The following MARCHF1 variants were observed in gnomAD, a reference collection of about 807,000 sequenced individuals.
The protein encoded by MARCHF1 is membrane associated ring-CH-type finger 1.
A neutral mutation model predicts 54.2 loss-of-function variants in MARCHF1; 40 were observed. That is an observed-to-expected ratio of 0.74 (90% CI 0.57 to 0.96). The LOEUF is 0.96. MARCHF1 is among the 40% of genes least tolerant of loss of function. The pLI, the probability that MARCHF1 is intolerant of heterozygous loss-of-function variation, is 0.00. For missense variants in MARCHF1, 586 were observed against 656.5 expected (o/e 0.89, Z 1.17); for synonymous variants, 236 against 236.3 (o/e 1.00, Z 0.01).
intron 2 of MARCHF1, among the ~76,000 whole-genome samples, chr4:164,052,255 G>A (rs886152498): frequency 1.3e-4 from 8 of 60,032 alleles, no homozygotes; most frequent in African/African-American, 4.0e-4. Context: ...GGGCATAGTG[G>A]CTCACGCCTG....
rs560530611 is a variant in MARCHF1 at position 163,717,235 on chromosome 4, G to A, written c.112-16372C>T. Reference sequence around the variant, plus strand: ...TTGTTCAATTCCCACCTATGAGTGAGAACATGCGGTGTTTGGTTTTTTGTC... The same window carrying A: ...TTGTTCAATTCCCACCTATGAGTGAAAACATGCGGTGTTTGGTTTTTTGTC... On this transcript the variant is annotated intron_variant, in intron 4 of 9. Coordinates refer to ENST00000514618, the MANE Select transcript of MARCHF1 (RefSeq NM_001394959.1). Among the ~76,000 whole-genome samples, 217 of 146,830 alleles carry A rather than the reference G, an allele frequency of 1.5e-3. 1 individual carries two copies. The highest frequency in any genetic ancestry group is 1.8e-3 in the Non-Finnish European group (123 of 67,324).
chr4:164,235,773 A>G (rs1732534978), intron 1 of MARCHF1, among the ~76,000 whole-genome samples: 1 of 152,088 alleles, frequency 6.6e-6, no homozygotes, highest in South Asian at 2.1e-4. Flanking sequence ...AAAAAAAACC[A>G]GTACACATTA....
Position 163,854,030 on chromosome 4 carries a change from G to C in MARCHF1, c.102C>G (p.Thr34=). The change falls in exon 4 of 10, where the codon ACC becomes ACG. Residue 34 remains threonine (T), a synonymous_variant. Coordinates refer to ENST00000514618, the MANE Select transcript of MARCHF1 (RefSeq NM_001394959.1). ...ISGDLADASQ[T]STLNEKSPGR... ...GTAACTTTCCACTCACCAATGTGGA[G>C]GTTTGTGAGGCGTCAGCCAAATCCC... The C allele has an allele frequency of 2.0e-6, 3 of 1,536,714 alleles. No individual in the cohort carries two copies. The highest frequency in any genetic ancestry group is 2.6e-6 in the Non-Finnish European group (3 of 1,146,634).
chr4:164,350,660 A>G (rs1730262295), intron 1 of MARCHF1, among the ~76,000 whole-genome samples: 1 of 152,224 alleles, frequency 6.6e-6, no homozygotes, highest in African/African-American at 2.4e-5. Context: ...AAAAGAAAAA[A>G]CAATGTGTGC....
At chr4:164,106,941 A>T (rs542826266) in intron 2 of MARCHF1, among the ~76,000 whole-genome samples, 8 of 152,260 alleles carry the variant, frequency 5.3e-5, no homozygotes, top group African/African-American at 1.7e-4. Flanking sequence ...CTGATACAAG[A>T]AACAACCATA....
At chr4:163,569,315 C>T (rs1579071274) in intron 8 of MARCHF1, among the ~76,000 whole-genome samples, 1 of 152,024 alleles carries the variant, frequency 6.6e-6, no homozygotes, top group Non-Finnish European at 1.5e-5. Context: ...TACTCTGTGT[C>T]CTTTTAGTTT....
intron 4 of MARCHF1, among the ~76,000 whole-genome samples, chr4:163,718,362 A>G (rs1027727458): frequency 3.3e-5 from 5 of 152,238 alleles, no homozygotes; most frequent in African/African-American, 9.6e-5. Flanking sequence ...CAGAGTGAAC[A>G]GGCAACCTAC....
chr4:164,131,379 T>C (rs533456515), intron 1 of MARCHF1, among the ~76,000 whole-genome samples: 3 of 152,188 alleles, frequency 2.0e-5, no homozygotes, highest in South Asian at 4.1e-4. Context: ...TGTTTGTCTA[T>C]GTGAAAAAAT....
In MARCHF1 at chr4:163,643,130, T is replaced by A. The variant is rs1742616611; in HGVS notation, c.163-29737A>T. ...GCATTTGAGACCAGCCTGGCCAACATGGTAAAACCCTGTATCTACTATAAA... is the reference window on the plus strand; with the variant it reads ...GCATTTGAGACCAGCCTGGCCAACAAGGTAAAACCCTGTATCTACTATAAA... On this transcript the variant is annotated intron_variant, in intron 5 of 9. Coordinates refer to ENST00000514618, the MANE Select transcript of MARCHF1 (RefSeq NM_001394959.1). 2.8e-5 allele frequency among the ~76,000 whole-genome samples: 4 copies of A among 142,448 alleles called. No homozygotes were observed. The Admixed American group carries it at 2.9e-4, about 10-fold the overall frequency. 93.5% of individuals were successfully genotyped at this position (142,448 alleles called of 152,430 possible). A position where few individuals can be genotyped will look rare whatever the true frequency, so the allele number is the denominator to read the frequency against.
intron 3 of MARCHF1, among the ~76,000 whole-genome samples, chr4:163,889,659 G>T (rs1750611457): frequency 6.6e-6 from 1 of 151,894 alleles, no homozygotes; most frequent in South Asian, 2.1e-4. Context: ...TGCTTAAGTG[G>T]TTTGCTCTTC....
chr4:163,965,265 G>A (rs956281829), intron 3 of MARCHF1, among the ~76,000 whole-genome samples: 1 of 151,902 alleles, frequency 6.6e-6, no homozygotes, highest in Non-Finnish European at 1.5e-5. Flanking sequence ...ACGTGGGAAG[G>A]ATCTCTCTTG....
intron 1 of MARCHF1, among the ~76,000 whole-genome samples, chr4:164,276,945 T>G (rs1311097766): frequency 1.7e-5 from 2 of 119,128 alleles, no homozygotes; most frequent in Non-Finnish European, 3.7e-5. Flanking sequence ...TATATATATA[T>G]ATAGAGAGAG....
intron 3 of MARCHF1, among the ~76,000 whole-genome samples, chr4:163,862,163 A>T (rs1191785338): frequency 1.3e-5 from 2 of 152,096 alleles, no homozygotes; most frequent in East Asian, 3.8e-4. Context: ...GAGGTGGTAG[A>T]TACAACGCTA....
chr4:163,731,959 G>T (rs1394551433), intron 4 of MARCHF1, among the ~76,000 whole-genome samples: 2 of 151,992 alleles, frequency 1.3e-5, no homozygotes, highest in Non-Finnish European at 2.9e-5. Context: ...CCAGAACAAA[G>T]CTCAACAACA....
intron 2 of MARCHF1, among the ~76,000 whole-genome samples, chr4:164,075,825 G>A (rs1486943104): frequency 6.6e-6 from 1 of 152,124 alleles, no homozygotes; most frequent in African/African-American, 2.4e-5. Context: ...CACTGAGGCT[G>A]ATATGAACTC....
At chr4:163,784,030 A>T (rs79879610) in intron 4 of MARCHF1, among the ~76,000 whole-genome samples, 3,630 of 152,350 alleles carry the variant, frequency 0.024, 65 homozygotes, top group East Asian at 0.074. Context: ...ACAGTAGTTC[A>T]TGTTAAACCA....
intron 5 of MARCHF1, among the ~76,000 whole-genome samples, chr4:163,646,774 G>A (rs1169771067): frequency 6.6e-6 from 1 of 151,988 alleles, no homozygotes; most frequent in East Asian, 1.9e-4. Context: ...ATACACAAAA[G>A]ATAAAGGGAC....
At chr4:163,912,992 A>C (rs1264938866) in intron 3 of MARCHF1, among the ~76,000 whole-genome samples, 3 of 152,236 alleles carry the variant, frequency 2.0e-5, no homozygotes, top group Non-Finnish European at 4.4e-5. Flanking sequence ...ACACATTATA[A>C]AATTTAAAAT....
At chr4:163,636,309 C>T (rs1445703441) in intron 5 of MARCHF1, among the ~76,000 whole-genome samples, 1 of 147,202 alleles carries the variant, frequency 6.8e-6, no homozygotes, top group Non-Finnish European at 1.5e-5. Flanking sequence ...CAAATTGTCC[C>T]TGTTTGCAGA....
Sources: gnomAD v4.1 joint callset for allele counts (sites outside exome capture counted in the v4.1 genomes callset) on GRCh38, gnomAD v4.1.1 for gene constraint, MANE v1.5 for transcripts, NCBI Gene and HGNC (gene_info 2026-07-23, HGNC 2026-07-21) for gene names.